The following FAM83G variants were observed in gnomAD, a reference collection of about 807,000 sequenced individuals.
FAM83G encodes the protein scaffolding CK1 anchoring protein G.
FAM83G carries 38 observed loss-of-function variants against 61.5 expected under a neutral mutation model. The ratio of observed to expected loss-of-function variants is 0.62; its 90% confidence interval spans 0.48 to 0.81. The LOEUF (loss-of-function observed/expected upper bound fraction) is 0.81, where lower values mean the gene tolerates loss of function less well. Ranked by LOEUF, FAM83G falls within the 30% of genes least tolerant of loss-of-function variation. The pLI, the probability that FAM83G is intolerant of heterozygous loss-of-function variation, is 0.00. For missense variants in FAM83G, 989 were observed against 1,133.6 expected, an observed-to-expected ratio of 0.87 and a Z score of 1.83; for synonymous variants, 470 against 476.1, an observed-to-expected ratio of 0.99 and a Z score of 0.17.
chr17:18,976,767 G>A (rs939537784), intron 5 of FAM83G: 17 of 1,541,228 alleles, frequency 1.1e-5, no homozygotes, highest in Middle Eastern at 3.4e-4. Context: ...CGTGCCTCAT[G>A]CCCATTCCCT....
chr17:18,993,948 C>T (rs187137672), intron 2 of FAM83G, among the ~76,000 whole-genome samples: 3 of 152,324 alleles, frequency 2.0e-5, no homozygotes, highest in East Asian at 1.9e-4. Flanking sequence ...GGCAGCTGCA[C>T]GGACCCTCCT....
chr17:18,995,490 T>C (rs2043542922), intron 2 of FAM83G, among the ~76,000 whole-genome samples: 1 of 152,160 alleles, frequency 6.6e-6, no homozygotes, highest in Non-Finnish European at 1.5e-5. Context: ...TGGGTCAACT[T>C]CAAGCCATCC....
chr17:18,976,524 C>T, intron 5 of FAM83G: 1 of 321,668 alleles, frequency 3.1e-6, no homozygotes, highest in Non-Finnish European at 5.8e-6. Context: ...GTGTATGTCC[C>T]CATACCACCC....
At chr17:18,991,449 C>T (rs573182687) in intron 2 of FAM83G, among the ~76,000 whole-genome samples, 15 of 152,322 alleles carry the variant, frequency 9.8e-5, no homozygotes, top group African/African-American at 2.6e-4. Flanking sequence ...AGATGCTTCA[C>T]GTAGCCCCAA....
chr17:18,993,442 C>T (rs1254611306), intron 2 of FAM83G, among the ~76,000 whole-genome samples: 1 of 152,168 alleles, frequency 6.6e-6, no homozygotes, highest in Non-Finnish European at 1.5e-5. Context: ...TAAGAGGGGA[C>T]AGTTTCCAAC....
At position 18,978,983 on chromosome 17, in the gene FAM83G, G is replaced by A. The variant is rs918302555; in HGVS notation, c.816-133C>T. The A allele has an allele frequency of 6.0e-6, 6 of 1,007,882 alleles. No homozygotes were observed. In the African/African-American group the frequency reaches 9.7e-5, roughly 16 times the overall value. The allele number at this position is 1,007,882 out of a possible 1,614,324, so 62.4% of individuals were successfully genotyped here. Reference sequence around the variant, plus strand: ...GGATCAAGAAGTGAATGGGGGCAGAGAGCAGGTGCATACTGTGGGGTCAGA... The same window carrying A: ...GGATCAAGAAGTGAATGGGGGCAGAAAGCAGGTGCATACTGTGGGGTCAGA... On this transcript the variant is annotated intron_variant, in intron 4 of 5. Coordinates refer to ENST00000388995, the MANE Select transcript of FAM83G (RefSeq NM_001039999.3).
In FAM83G at chr17:18,979,664, C is replaced by A. The variant is rs997447086; in HGVS notation, c.700G>T (p.Val234Leu). 2.5e-6 allele frequency: 4 copies of A among 1,613,416 alleles called. No individual in the cohort carries two copies. The Admixed American group carries it at 6.7e-5, about 27-fold the overall frequency. ...AACTCAGTTCCCCCGCTGCTCCGCACTCTGAGATTCTGTTTTGGGAACCAA... is the reference window on the plus strand; with the variant it reads ...AACTCAGTTCCCCCGCTGCTCCGCAATCTGAGATTCTGTTTTGGGAACCAA... ...MHLGHLKNLR[V>L]RSSGGTEFFT... The change falls in exon 4 of 6, where the codon GTG becomes TTG. Residue 234 changes from valine to leucine, a missense_variant. By Grantham distance (32) the Val-to-Leu change is conservative. Transcript: ENST00000388995.
At position 18,997,024 on chromosome 17, in the gene FAM83G, G is replaced by A. The variant is rs574801563; in HGVS notation, c.522+6496C>T. ...GAAACTGGATGAACTCTGAGGTCCC[G>A]TTCCCCTTGACATTCATCAGCTCTG... is the stretch of plus-strand genomic sequence containing the variant. On this transcript the variant is annotated intron_variant, in intron 2 of 5. Coordinates refer to ENST00000388995, the MANE Select transcript of FAM83G (RefSeq NM_001039999.3). Among the ~76,000 whole-genome samples the A allele has an allele frequency of 7.2e-5, 11 of 152,298 alleles. No homozygotes were observed. In the South Asian group the frequency reaches 2.3e-3, roughly 32 times the overall value.
At chr17:18,980,114 G>A (rs1187662260) in intron 3 of FAM83G, among the ~76,000 whole-genome samples, 2 of 152,132 alleles carry the variant, frequency 1.3e-5, no homozygotes, top group Non-Finnish European at 2.9e-5. Context: ...AGGAGGGCAG[G>A]AAGGGGGCCT....
intron 3 of FAM83G, among the ~76,000 whole-genome samples, chr17:18,982,344 C>T (rs1408926197): frequency 6.6e-6 from 1 of 152,222 alleles, no homozygotes; most frequent in African/African-American, 2.4e-5. Flanking sequence ...ATGGGCCCCA[C>T]CCCACGGGGC....
intron 2 of FAM83G, among the ~76,000 whole-genome samples, chr17:19,002,618 T>A (rs754368856): frequency 1.2e-4 from 18 of 152,190 alleles, no homozygotes; most frequent in Non-Finnish European, 2.4e-4. Flanking sequence ...TAGGTAAGCT[T>A]TATCTATCAA....
chr17:18,971,207 T>A lies in FAM83G; in HGVS notation c.*152A>T, dbSNP rs775117637. On this transcript the variant is annotated 3_prime_UTR_variant, in exon 6 of 6. Coordinates refer to ENST00000388995, the MANE Select transcript of FAM83G (RefSeq NM_001039999.3). The surrounding 1 kb of genome is among the most constrained non-coding windows in gnomAD (Gnocchi z 5.5). ...GACCATCATGGCCACCTGGTACTGGTGCACCGACCAGGTGAGTGCCAACGT... is the reference window on the plus strand; with the variant it reads ...GACCATCATGGCCACCTGGTACTGGAGCACCGACCAGGTGAGTGCCAACGT... The A allele has an allele frequency of 1.2e-6, 2 of 1,613,788 alleles. No individual in the cohort carries two copies. The highest frequency in any genetic ancestry group is 2.7e-5 in the African/African-American group (2 of 74,932).
Position 18,978,004 on chromosome 17 carries a change from G to A in FAM83G, c.1662C>T (p.Leu554=), listed in dbSNP as rs752278600. 15 of 1,562,770 alleles carry A rather than the reference G, an allele frequency of 9.6e-6. No individual in the cohort carries two copies. The East Asian group carries it at 1.1e-4, about 12-fold the overall frequency. Residue 554 remains leucine, a synonymous_variant, in exon 5 of 6, where the codon CTC becomes CTT. Transcript: ENST00000388995. ...PRMAGPGHAP[L]QRQLSVTQDD... ...CCTGGGTCACAGATAGCTGCCGCTG[G>A]AGTGGGGCGTGGCCTGGGCCTGCCA... is the stretch of plus-strand genomic sequence containing the variant.
chr17:18,975,555 G>A (rs1248431807), intron 5 of FAM83G, among the ~76,000 whole-genome samples: 6 of 152,210 alleles, frequency 3.9e-5, no homozygotes, highest in East Asian at 3.9e-4. Flanking sequence ...TTAGCCGGGC[G>A]TGGTGGCTCA....
intron 2 of FAM83G, among the ~76,000 whole-genome samples, chr17:19,002,039 C>T (rs1421061957): frequency 2.0e-5 from 3 of 152,196 alleles, no homozygotes; most frequent in African/African-American, 7.2e-5. Flanking sequence ...GCACAGACAT[C>T]AGCAGCACTT....
At chr17:18,985,054 C>CAGGA (rs1351184406) in intron 3 of FAM83G, among the ~76,000 whole-genome samples, 2 of 152,292 alleles carry the variant, frequency 1.3e-5, no homozygotes, top group East Asian at 3.9e-4. Context: ...GCTCCAAGCT[C>CAGGA]AGGAGGAAGG....
chr17:19,003,393 A>C lies in FAM83G; in HGVS notation c.522+127T>G, dbSNP rs559556279. On this transcript the variant is annotated intron_variant, in intron 2 of 5. Transcript: ENST00000388995. This position sits in a 1 kb window ranked among gnomAD's most constrained non-coding sequence, Gnocchi z 4.5. The stretch of plus-strand genomic sequence containing the variant: ...GGAAACCTCCACCCAAGAGGCAGCC[A>C]GGGAAAACAGCAGAGATCCCTAGAA... 13 of 1,038,224 alleles carry C rather than the reference A, an allele frequency of 1.3e-5. No homozygotes were observed. The highest frequency in any genetic ancestry group is 1.5e-5 in the Non-Finnish European group (12 of 776,888). The allele number at this position is 1,038,224 out of a possible 1,614,324, so 64.3% of individuals were successfully genotyped here. A position where few individuals can be genotyped will look rare whatever the true frequency, so the allele number is the denominator to read the frequency against.
At position 18,988,386 on chromosome 17, in the gene FAM83G, G is replaced by A. The variant is rs138389504; in HGVS notation, c.551C>T (p.Thr184Ile). ...KVIAVVMDMF[T>I]DVDIFKDLLD... is the part of the protein sequence containing the mutation. ...CAGGTCCTTGAAGATGTCCACGTCG[G>A]TGAACATGTCCATGACCACAGCTAT... Residue 184 changes from threonine to isoleucine, a missense_variant, in exon 3 of 6, where the codon ACC (threonine) becomes ATC (isoleucine). Transcript: ENST00000388995. 18 of 1,614,196 alleles carry A rather than the reference G, an allele frequency of 1.1e-5. No individual in the cohort carries two copies. Among genetic ancestry groups the A allele is most frequent in the Non-Finnish European group, 1.5e-5 (18 of 1,180,038 alleles).
rs2042989254 is a variant in FAM83G at position 18,976,742 on chromosome 17, C to T, written c.2082+842G>A. On this transcript the variant is annotated intron_variant, in intron 5 of 5. Transcript: ENST00000388995. ...GTGGCTGTTTTGGGCAGGTCAGAGG[C>T]TAATGGGACATCATCGTGCCTCATG... 4 of 1,405,238 alleles carry T rather than the reference C, an allele frequency of 2.8e-6. No homozygotes were observed. The South Asian group carries it at 5.4e-5, about 19-fold the overall frequency. 87.0% of individuals were successfully genotyped at this position (1,405,238 alleles called of 1,614,324 possible).
Sources: allele counts gnomAD v4.1 joint callset (sites outside exome capture counted in the v4.1 genomes callset), GRCh38; gene constraint gnomAD v4.1.1; non-coding constraint Gnocchi (gnomAD v3.1); transcripts MANE v1.5; gene names NCBI Gene and HGNC (gene_info 2026-07-23, HGNC 2026-07-21).